GALNTL6: variants seen among roughly 807,000 people sequenced by gnomAD.
GALNTL6 encodes the protein polypeptide N-acetylgalactosaminyltransferase-like 6.
A neutral mutation model predicts 73.7 loss-of-function variants in GALNTL6; 46 were observed. The ratio of observed to expected loss-of-function variants is 0.62; its 90% confidence interval spans 0.49 to 0.80. GALNTL6 has a LOEUF of 0.80. GALNTL6 is among the 30% of genes least tolerant of loss of function. The pLI, the probability that GALNTL6 is intolerant of heterozygous loss-of-function variation, is 0.00. For missense variants in GALNTL6, 604 were observed against 755.0 expected (o/e 0.80, Z 2.34); for synonymous variants, 259 against 263.7 (o/e 0.98, Z 0.17).
intron 5 of GALNTL6, chr4:172,669,264 A>G (rs765361837): frequency 1.6e-4 from 24 of 152,316 alleles, no homozygotes; most frequent in Non-Finnish European, 3.4e-4. Flanking sequence ...GCTGAGGGCA[A>G]TGAGCTTATT....
chr4:172,065,677 C>G (rs1369825698), intron 2 of GALNTL6, among the ~76,000 whole-genome samples: 2 of 152,080 alleles, frequency 1.3e-5, no homozygotes, highest in Non-Finnish European at 2.9e-5. Flanking sequence ...CTGTGTTAGT[C>G]CATTCTCACG....
intron 2 of GALNTL6, among the ~76,000 whole-genome samples, chr4:172,157,207 C>T (rs929830243): frequency 3.3e-5 from 5 of 152,124 alleles, no homozygotes; most frequent in African/African-American, 1.2e-4. Flanking sequence ...ACAATAGTTA[C>T]CCTCACTGCT....
At chr4:172,632,732 A>G (rs1017516193) in intron 5 of GALNTL6, among the ~76,000 whole-genome samples, 26 of 152,224 alleles carry the variant, frequency 1.7e-4, no homozygotes, top group African/African-American at 5.8e-4. Context: ...AGAGCATGTT[A>G]CAGACCTTTA....
chr4:173,017,317 T>C (rs756282756), intron 11 of GALNTL6, among the ~76,000 whole-genome samples: 8 of 152,196 alleles, frequency 5.3e-5, no homozygotes, highest in Admixed American at 6.5e-5. Context: ...TCAAGGGTTA[T>C]TGTACAGGAA....
At chr4:172,170,760 C>T (rs974769193) in intron 2 of GALNTL6, among the ~76,000 whole-genome samples, 1 of 152,048 alleles carries the variant, frequency 6.6e-6, no homozygotes, top group Non-Finnish European at 1.5e-5. Flanking sequence ...AGGATCTGTC[C>T]ACCTTGGTCT....
intron 5 of GALNTL6, among the ~76,000 whole-genome samples, chr4:172,423,778 G>T: frequency 6.6e-6 from 1 of 152,040 alleles, no homozygotes; most frequent in Middle Eastern, 3.4e-3. Context: ...ACCATGCATA[G>T]TACATAGTAA....
In GALNTL6 at chr4:173,040,330, C is replaced by T; in HGVS notation, c.*230C>T. The T allele has an allele frequency of 2.0e-6, 1 of 498,630 alleles. No individual in the cohort carries two copies. The highest frequency in any genetic ancestry group is 3.5e-6 in the Non-Finnish European group (1 of 284,458). The allele number at this position is 498,630 out of a possible 1,614,324, so 30.9% of individuals were successfully genotyped here. A position where few individuals can be genotyped will look rare whatever the true frequency, so the allele number is the denominator to read the frequency against. ...GAACTCGAGACTAGCAGTTCCCTTG[C>T]TGGCCAAGGGCAAAGATAATTTAGG... On this transcript the variant is annotated 3_prime_UTR_variant, in exon 13 of 13. Transcript: ENST00000506823.
chr4:172,154,920 C>G (rs545333727), intron 2 of GALNTL6, among the ~76,000 whole-genome samples: 1 of 152,252 alleles, frequency 6.6e-6, no homozygotes, highest in East Asian at 1.9e-4. Context: ...TGTCAAAATC[C>G]TAACACCCAT....
At chr4:172,712,135 G>C (rs1288679873) in intron 5 of GALNTL6, among the ~76,000 whole-genome samples, 1 of 152,090 alleles carries the variant, frequency 6.6e-6, no homozygotes, top group East Asian at 1.9e-4. Flanking sequence ...TGTGTAAATG[G>C]AACGCCATAA....
At chr4:172,519,254 T>C (rs999752195) in intron 5 of GALNTL6, among the ~76,000 whole-genome samples, 2 of 150,710 alleles carry the variant, frequency 1.3e-5, no homozygotes, top group Non-Finnish European at 3.0e-5. Flanking sequence ...GATATTTATA[T>C]ATGATATATT....
At chr4:172,489,057 G>A (rs553546590) in intron 5 of GALNTL6, among the ~76,000 whole-genome samples, 1 of 152,230 alleles carries the variant, frequency 6.6e-6, no homozygotes, top group Admixed American at 6.5e-5. Context: ...TTGCCAGTTC[G>A]CATTTATACT....
intron 5 of GALNTL6, among the ~76,000 whole-genome samples, chr4:172,606,641 C>G (rs796253474): frequency 0.021 from 769 of 37,256 alleles, 12 homozygotes; most frequent in African/African-American, 0.035. Context: ...TATATATATA[C>G]TATATATATA....
At chr4:172,466,462 G>A (rs1053436640) in intron 5 of GALNTL6, among the ~76,000 whole-genome samples, 1 of 152,088 alleles carries the variant, frequency 6.6e-6, no homozygotes, top group African/African-American at 2.4e-5. Flanking sequence ...AAGATTTGCA[G>A]CTAGGCTGGA....
chr4:172,184,586 T>G (rs1236676546), intron 2 of GALNTL6, among the ~76,000 whole-genome samples: 3 of 152,192 alleles, frequency 2.0e-5, no homozygotes, highest in Non-Finnish European at 4.4e-5. Context: ...TAGTAAATAT[T>G]AAAAATATCT....
intron 2 of GALNTL6, among the ~76,000 whole-genome samples, chr4:172,220,675 C>G (rs1736642893): frequency 6.6e-6 from 1 of 151,778 alleles, no homozygotes; most frequent in East Asian, 1.9e-4. Flanking sequence ...TTAGGACAGA[C>G]AGGCAAAAAA....
At chr4:172,360,730 A>G (rs1181024874) in intron 5 of GALNTL6, among the ~76,000 whole-genome samples, 1 of 152,144 alleles carries the variant, frequency 6.6e-6, no homozygotes, top group Non-Finnish European at 1.5e-5. Flanking sequence ...AATAACCTAC[A>G]CCACAACTGT....
intron 5 of GALNTL6, among the ~76,000 whole-genome samples, chr4:172,480,750 G>A (rs149532933): frequency 2.6e-4 from 39 of 152,276 alleles, no homozygotes; most frequent in African/African-American, 9.1e-4. Flanking sequence ...ATGTGGATTA[G>A]GCAGGCAACT....
At chr4:172,442,272 T>A (rs1470290490) in intron 5 of GALNTL6, among the ~76,000 whole-genome samples, 1 of 152,144 alleles carries the variant, frequency 6.6e-6, no homozygotes, top group African/African-American at 2.4e-5. Flanking sequence ...CCTTTGGAAC[T>A]GTCTCATTCT....
chr4:172,761,943 C>T (rs1738131299), intron 5 of GALNTL6, among the ~76,000 whole-genome samples: 2 of 152,184 alleles, frequency 1.3e-5, no homozygotes, highest in African/African-American at 4.8e-5. Flanking sequence ...GGATCTTCAA[C>T]CTGATCAAAC....
Sources: allele counts gnomAD v4.1 joint callset (sites outside exome capture counted in the v4.1 genomes callset), GRCh38; gene constraint gnomAD v4.1.1; transcripts MANE v1.5; gene names NCBI Gene and HGNC (gene_info 2026-07-23, HGNC 2026-07-21).